FRMD4B: variants seen among roughly 807,000 people sequenced by gnomAD.
FRMD4B encodes FERM domain containing 4B, also known as FERM domain-containing protein 4B.
In FRMD4B, 74 loss-of-function variants were observed where a neutral mutation model predicts 141.5. The ratio of observed to expected loss-of-function variants is 0.52; its 90% CI spans 0.43 to 0.63. The LOEUF (loss-of-function observed/expected upper bound fraction) is 0.63. Among genes scored for constraint, FRMD4B ranks in the 30% least tolerant of loss-of-function variants. FRMD4B has a pLI of 0.00. For missense variants in FRMD4B, 1,366 were observed against 1,253.4 expected, an observed-to-expected ratio of 1.09 and a Z score of -1.36; for synonymous variants, 506 against 467.9, an observed-to-expected ratio of 1.08 and a Z score of -1.05.
intron 3 of FRMD4B, among the ~76,000 whole-genome samples, chr3:69,310,727 A>T (rs895336141): frequency 2.6e-5 from 4 of 151,692 alleles, no homozygotes; most frequent in African/African-American, 9.7e-5. Context: ...TATATACAAC[A>T]TTCAACAACT....
intron 2 of FRMD4B, among the ~76,000 whole-genome samples, chr3:69,397,970 G>A (rs1265576628): frequency 6.6e-6 from 1 of 152,130 alleles, no homozygotes; most frequent in African/African-American, 2.4e-5. Context: ...TCCACAATGA[G>A]TGTGTAATAC....
chr3:69,480,208 G>A (rs1168354156), intron 1 of FRMD4B, among the ~76,000 whole-genome samples: 2 of 152,204 alleles, frequency 1.3e-5, no homozygotes, highest in South Asian at 2.1e-4. Context: ...CTCTCAACTT[G>A]TCAAAGTCAT....
intron 1 of FRMD4B, among the ~76,000 whole-genome samples, chr3:69,342,609 G>T (rs977085521): frequency 2.0e-5 from 3 of 152,142 alleles, no homozygotes; most frequent in African/African-American, 7.2e-5. Flanking sequence ...AGGTACTTCA[G>T]TGCCAGATGC....
intron 1 of FRMD4B, among the ~76,000 whole-genome samples, chr3:69,502,842 C>A (rs1361920126): frequency 1.3e-5 from 2 of 151,738 alleles, no homozygotes; most frequent in African/African-American, 2.4e-5. Flanking sequence ...TTACAAGAAA[C>A]AAACAAACAA....
At chr3:69,318,932 T>C (rs1559802124) in intron 1 of FRMD4B, among the ~76,000 whole-genome samples, 1 of 152,178 alleles carries the variant, frequency 6.6e-6, no homozygotes, top group Non-Finnish European at 1.5e-5. Flanking sequence ...CAAATGTATG[T>C]ATGACCTGCC....
At chr3:69,255,149 T>C (rs2093485226) in intron 5 of FRMD4B, among the ~76,000 whole-genome samples, 1 of 152,178 alleles carries the variant, frequency 6.6e-6, no homozygotes, top group African/African-American at 2.4e-5. Flanking sequence ...TCATTATAAT[T>C]AGGTCATATA....
intron 2 of FRMD4B, among the ~76,000 whole-genome samples, chr3:69,395,565 G>C (rs1704460202): frequency 6.6e-6 from 1 of 152,112 alleles, no homozygotes; most frequent in African/African-American, 2.4e-5. Context: ...TTGTTGCTAG[G>C]AATTTCAACT....
At chr3:69,457,621 T>A (rs1022556171) in intron 1 of FRMD4B, among the ~76,000 whole-genome samples, 3 of 152,100 alleles carry the variant, frequency 2.0e-5, no homozygotes, top group Non-Finnish European at 4.4e-5. Flanking sequence ...CCCTAAATTA[T>A]TTATGGTGTC....
intron 1 of FRMD4B, among the ~76,000 whole-genome samples, chr3:69,468,483 G>A (rs1348434677): frequency 6.6e-6 from 1 of 152,084 alleles, no homozygotes; most frequent in Non-Finnish European, 1.5e-5. Flanking sequence ...GGACCTGTTT[G>A]GTCTAGGGGT....
At chr3:69,414,351 A>G (rs1200411594) in intron 2 of FRMD4B, among the ~76,000 whole-genome samples, 1 of 152,236 alleles carries the variant, frequency 6.6e-6, no homozygotes, top group Non-Finnish European at 1.5e-5. Flanking sequence ...GAAAAAAACC[A>G]CAAAAACAGT....
intron 1 of FRMD4B, among the ~76,000 whole-genome samples, chr3:69,360,520 G>T (rs552487206): frequency 6.6e-6 from 1 of 152,006 alleles, no homozygotes; most frequent in Non-Finnish European, 1.5e-5. Flanking sequence ...TTTGCAACTG[G>T]TTGATATTTT....
intron 1 of FRMD4B, among the ~76,000 whole-genome samples, chr3:69,481,016 T>A (rs1039424880): frequency 6.6e-6 from 1 of 152,162 alleles, no homozygotes; most frequent in Non-Finnish European, 1.5e-5. Context: ...CTCCGAGCCA[T>A]GTGCGGGATA....
intron 1 of FRMD4B, among the ~76,000 whole-genome samples, chr3:69,493,418 A>G (rs572658073): frequency 5.3e-5 from 8 of 152,342 alleles, no homozygotes; most frequent in African/African-American, 1.7e-4. Flanking sequence ...TCCTGCCTTA[A>G]TCATTTAAAA....
intron 9 of FRMD4B, among the ~76,000 whole-genome samples, chr3:69,220,322 T>C (rs545321652): frequency 6.6e-6 from 1 of 152,290 alleles, no homozygotes; most frequent in African/African-American, 2.4e-5. Context: ...ATAGAAAAGA[T>C]ACAGTAACAA....
intron 1 of FRMD4B, among the ~76,000 whole-genome samples, chr3:69,519,997 C>CAT (rs71618288): frequency 0.15 from 13,512 of 88,096 alleles, 1,716 homozygotes; most frequent in East Asian, 0.19. Context: ...AGTAGTATTC[C>CAT]ATATATATAT....
chr3:69,206,954 C>A (rs1423942449), intron 11 of FRMD4B, among the ~76,000 whole-genome samples: 8 of 151,842 alleles, frequency 5.3e-5, no homozygotes, highest in East Asian at 3.9e-4. Context: ...ATCAGTGAAG[C>A]CTTGCTACCA....
At chr3:69,205,232 T>A (rs1019096509) in intron 11 of FRMD4B, among the ~76,000 whole-genome samples, 1 of 151,586 alleles carries the variant, frequency 6.6e-6, no homozygotes. Context: ...AGTGGCATGA[T>A]CACGGCTCAC....
At chr3:69,246,196 C>T (rs2093424647) in intron 7 of FRMD4B, among the ~76,000 whole-genome samples, 1 of 152,164 alleles carries the variant, frequency 6.6e-6, no homozygotes, top group Non-Finnish European at 1.5e-5. Context: ...TGGCTTGCAC[C>T]TGTAATCTCG....
chr3:69,463,513 G>C (rs186831142), intron 1 of FRMD4B, among the ~76,000 whole-genome samples: 1 of 152,280 alleles, frequency 6.6e-6, no homozygotes, highest in East Asian at 1.9e-4. Context: ...TGACCTCAGT[G>C]CATTATAGAT....
Sources: gnomAD v4.1 joint callset for allele counts (sites outside exome capture counted in the v4.1 genomes callset) on GRCh38, gnomAD v4.1.1 for gene constraint, MANE v1.5 for transcripts, NCBI Gene and HGNC (gene_info 2026-07-23, HGNC 2026-07-21) for gene names.